APPL1: variants seen among roughly 807,000 people sequenced by gnomAD.
APPL1 encodes the protein adaptor protein, phosphotyrosine interacting with PH domain and leucine zipper 1.
In APPL1, 42 loss-of-function variants were observed where a neutral mutation model predicts 106.8. The observed-to-expected ratio is 0.39, with a 90% CI of 0.31 to 0.51. APPL1 has a LOEUF of 0.51. Among genes scored for constraint, APPL1 ranks in the 20% least tolerant of loss-of-function variants. The pLI, the probability that APPL1 is intolerant of heterozygous loss-of-function variation, is 0.75. For synonymous variants in APPL1, 263 were observed against 281.8 expected, an observed-to-expected ratio of 0.93 and a Z score of 0.67; for missense variants, 769 against 858.2, an observed-to-expected ratio of 0.90 and a Z score of 1.30.
intron 11 of APPL1, among the ~76,000 whole-genome samples, chr3:57,251,543 A>C (rs1351972801): frequency 3.3e-5 from 5 of 151,510 alleles, no homozygotes; most frequent in African/African-American, 1.2e-4. Flanking sequence ...AAAAAAAAAA[A>C]GATACTATAG....
chr3:57,261,943 T>C, intron 19 of APPL1, among the ~76,000 whole-genome samples: 1 of 152,212 alleles, frequency 6.6e-6, no homozygotes, highest in Admixed American at 6.5e-5. Context: ...ATTTTTTGTC[T>C]TTTTAGTGAT....
rs1354667807 is a variant in APPL1 at position 57,228,004 on chromosome 3, C to T, written c.54+67C>T. The T allele has an allele frequency of 4.6e-6, 6 of 1,305,914 alleles. No homozygotes were observed. The highest frequency in any genetic ancestry group is 5.7e-5 in the Admixed American group (2 of 35,362). 80.9% of individuals were successfully genotyped at this position (1,305,914 alleles called of 1,614,324 possible). A position where few individuals can be genotyped will look rare whatever the true frequency, so the allele number is the denominator to read the frequency against. On this transcript the variant is annotated intron_variant, in intron 1 of 21. Coordinates refer to ENST00000288266, the MANE Select transcript of APPL1 (RefSeq NM_012096.3). The surrounding 1 kb of genome is among the most constrained non-coding windows in gnomAD (Gnocchi z 4.6). ...TGGCCGACCCCAGGTCTGGCGCCTC[C>T]GCGGCTCCCGCAGGTGCCCGCCCCG...
chr3:57,262,809 A>C (rs113932626), intron 19 of APPL1, among the ~76,000 whole-genome samples: 12,410 of 133,960 alleles, frequency 0.093, 1,740 homozygotes, highest in African/African-American at 0.32. Flanking sequence ...TTGTGGGTAC[A>C]AGGGGTGTGT....
chr3:57,255,956 G>GTT (rs2060833033), intron 13 of APPL1, among the ~76,000 whole-genome samples: 1 of 152,120 alleles, frequency 6.6e-6, no homozygotes, highest in Admixed American at 6.5e-5. Context: ...ATCTGTATTA[G>GTT]TGAGAATAGG....
In APPL1 at chr3:57,246,149, G is replaced by T. The variant is rs757397069; in HGVS notation, c.548G>T (p.Cys183Phe). The T allele has an allele frequency of 6.2e-7, 1 of 1,612,076 alleles. No homozygotes were observed. The highest frequency in any genetic ancestry group is 1.7e-5 in the Admixed American group (1 of 59,856). Residue 183 changes from cysteine to phenylalanine, a missense_variant, in exon 8 of 22, where the codon TGT becomes TTT. Transcript: ENST00000288266. ...CACCAGACCATGATGCATTATTTTT[G>T]TGCATTAAATACTCTTCAGTACAAG... ...KQHQTMMHYF[C>F]ALNTLQYKKK...
chr3:57,227,964 G>A (rs750489683), intron 1 of APPL1, 27 bp downstream of exon 1: 25 of 1,418,666 alleles, frequency 1.8e-5, no homozygotes, highest in Middle Eastern at 2.6e-4. Flanking sequence ...GGTGGGCGAC[G>A]AGGGAGAGCC....
At position 57,267,752 on chromosome 3, in the gene APPL1, C is replaced by T. The variant is rs372104157; in HGVS notation, c.1853C>T (p.Ser618Phe). 3.7e-6 allele frequency: 6 copies of T among 1,613,798 alleles called. No individual in the cohort carries two copies. In the African/African-American group the frequency reaches 8.0e-5, roughly 22 times the overall value. ...SNNEGEKICD[S>F]VGLAKQIALH... is the part of the protein sequence containing the mutation. ...TTTTTCTCTTTTTAGATATGTGATTCTGTTGGACTGGCAAAACAGATAGCT... is the reference window on the plus strand; with the variant it reads ...TTTTTCTCTTTTTAGATATGTGATTTTGTTGGACTGGCAAAACAGATAGCT... Residue 618 changes from serine (S) to phenylalanine (F), a missense_variant, in exon 20 of 22, where the codon TCT becomes TTT. Ser to Phe is a radical substitution (Grantham distance 155, BLOSUM62 -2). Coordinates refer to ENST00000288266, the MANE Select transcript of APPL1 (RefSeq NM_012096.3).
At chr3:57,234,094 G>A (rs944361362) in intron 1 of APPL1, among the ~76,000 whole-genome samples, 1 of 151,938 alleles carries the variant, frequency 6.6e-6, no homozygotes, top group Non-Finnish European at 1.5e-5. Flanking sequence ...CAACAACAGC[G>A]ACACCCACAA....
rs954049629 is a variant in APPL1, at chr3:57,228,337, T to C, written c.54+400T>C. On this transcript the variant is annotated intron_variant, in intron 1 of 21. Coordinates refer to ENST00000288266, the MANE Select transcript of APPL1 (RefSeq NM_012096.3). This position sits in a 1 kb window ranked among gnomAD's most constrained non-coding sequence, Gnocchi z 4.6. ...AGGGAGAGAAACCCCGATAGTCTTATTTAATGATTTCCGAGGCTCAGCAAG... is the reference window on the plus strand; with the variant it reads ...AGGGAGAGAAACCCCGATAGTCTTACTTAATGATTTCCGAGGCTCAGCAAG... Among the ~76,000 whole-genome samples the C allele has an allele frequency of 3.3e-5, 5 of 152,266 alleles. No individual in the cohort carries two copies. The highest frequency in any genetic ancestry group is 1.2e-4 in the African/African-American group (5 of 41,472).
chr3:57,242,924 ATATT>A lies in APPL1; in HGVS notation c.474+15_474+18del. On this transcript the variant is annotated intron_variant, in intron 7 of 21. Coordinates refer to ENST00000288266, the MANE Select transcript of APPL1 (RefSeq NM_012096.3). ...AAGAGAAAATGACAAGGTGTGGTAC[ATATT>A]TATTCCTTCAGTGTCATAATTAACT... The A allele has an allele frequency of 6.2e-7, 1 of 1,600,010 alleles. No homozygotes were observed. The highest frequency in any genetic ancestry group is 8.6e-7 in the Non-Finnish European group (1 of 1,168,680).
chr3:57,268,419 CAAAAAG>C lies in APPL1; in HGVS notation c.1919_1924del (p.Lys640_Glu641del). On this transcript the variant is annotated inframe_deletion, in exon 21 of 22. Transcript: ENST00000288266. ...TTAGGATCGTAGGGCATCAGAAAAACAAAAAGAAATAGAGAGAGTAAAAGAGAAGCA... is the reference window on the plus strand; with the variant it reads ...TTAGGATCGTAGGGCATCAGAAAAACAAATAGAGAGAGTAAAAGAGAAGCA... 1 of 1,593,986 alleles carries C rather than the reference CAAAAAG, an allele frequency of 6.3e-7. No individual in the cohort carries two copies.
chr3:57,263,143 G>A (rs537364545), intron 19 of APPL1, among the ~76,000 whole-genome samples: 106 of 152,154 alleles, frequency 7.0e-4, no homozygotes, highest in African/African-American at 2.3e-3. Context: ...GAGCCACCTC[G>A]CCCAGCCAGG....
intron 1 of APPL1, among the ~76,000 whole-genome samples, chr3:57,231,298 C>A (rs1486972444): frequency 1.4e-5 from 2 of 139,426 alleles, no homozygotes; most frequent in African/African-American, 5.2e-5. Flanking sequence ...GAAATTGTAC[C>A]GTTGCACTCC....
chr3:57,227,845 G>C lies in APPL1; in HGVS notation c.-39G>C, dbSNP rs958505254. On this transcript the variant is annotated 5_prime_UTR_variant, in exon 1 of 22. Transcript: ENST00000288266. The stretch of plus-strand genomic sequence containing the variant: ...CGGGCCGGCGCGGGGAGCTGTGGGC[G>C]GCAGCTGCGTCTCCTGCCACCGCCC... 4 of 1,443,468 alleles carry C rather than the reference G, an allele frequency of 2.8e-6. No homozygotes were observed. The highest frequency in any genetic ancestry group is 2.5e-4 in the Middle Eastern group (1 of 4,012). The allele number at this position is 1,443,468 out of a possible 1,614,324, so 89.4% of individuals were successfully genotyped here.
rs1275896689 is a variant in APPL1 at position 57,259,085 on chromosome 3, G to A, written c.1483+5G>A. On this transcript the variant is annotated splice_donor_5th_base_variant and intron_variant, in intron 16 of 21. Coordinates refer to ENST00000288266, the MANE Select transcript of APPL1 (RefSeq NM_012096.3). ...GTACAAAATCTGAAACTGAAGGTAA[G>A]ACAGATGTGCAGCATTCATATATTT... 19 of 1,609,828 alleles carry A rather than the reference G, an allele frequency of 1.2e-5. No homozygotes were observed. The highest frequency in any genetic ancestry group is 1.5e-5 in the Non-Finnish European group (18 of 1,177,218).
intron 13 of APPL1, among the ~76,000 whole-genome samples, chr3:57,256,235 A>G (rs904928980): frequency 1.1e-4 from 16 of 152,204 alleles, no homozygotes; most frequent in Admixed American, 5.2e-4. Context: ...AAATTGTGAA[A>G]AAATCTGTAA....
chr3:57,260,816 A>G lies in APPL1; in HGVS notation c.1842+42A>G, dbSNP rs1252576854. 3 of 1,489,612 alleles carry G rather than the reference A, an allele frequency of 2.0e-6. No individual in the cohort carries two copies. In the African/African-American group the frequency reaches 4.2e-5, roughly 21 times the overall value. The allele number at this position is 1,489,612 out of a possible 1,614,324, so 92.3% of individuals were successfully genotyped here. A position where few individuals can be genotyped will look rare whatever the true frequency, so the allele number is the denominator to read the frequency against. On this transcript the variant is annotated intron_variant, in intron 19 of 21. Coordinates refer to ENST00000288266, the MANE Select transcript of APPL1 (RefSeq NM_012096.3). ...AATATCTCTGTCATAACCACTTACT[A>G]ATTGATTCTTACTAAGATTTAATAA...
At chr3:57,255,043 A>G (rs2060827611) in intron 13 of APPL1, among the ~76,000 whole-genome samples, 1 of 152,246 alleles carries the variant, frequency 6.6e-6, no homozygotes. Flanking sequence ...GTGAATTCCC[A>G]GTTTTGCAAA....
intron 19 of APPL1, among the ~76,000 whole-genome samples, chr3:57,265,306 C>G (rs896531417): frequency 2.0e-5 from 3 of 151,932 alleles, no homozygotes; most frequent in African/African-American, 7.2e-5. Flanking sequence ...GCGCCACCAC[C>G]ACCTGGCTAA....
Sources: allele counts gnomAD v4.1 joint callset (sites outside exome capture counted in the v4.1 genomes callset), GRCh38; gene constraint gnomAD v4.1.1; non-coding constraint Gnocchi (gnomAD v3.1); transcripts MANE v1.5; gene names NCBI Gene and HGNC (gene_info 2026-07-23, HGNC 2026-07-21).